The following ANKRD13C variants were observed in gnomAD, a reference collection of about 807,000 sequenced individuals.
The protein encoded by ANKRD13C is ankyrin repeat domain-containing protein 13C.
ANKRD13C carries 16 observed loss-of-function variants against 65.5 expected under a neutral mutation model. The observed-to-expected ratio is 0.24, with a 90% confidence interval of 0.17 to 0.37. The LOEUF is 0.37. Among genes scored for constraint, ANKRD13C ranks in the 10% least tolerant of loss-of-function variants. ANKRD13C has a pLI of 1.00. For missense variants in ANKRD13C, 503 were observed against 655.9 expected, an observed-to-expected ratio of 0.77 and a Z score of 2.55; for synonymous variants, 235 against 238.7, an observed-to-expected ratio of 0.98 and a Z score of 0.14.
At chr1:70,341,310 T>C (rs1197193804) in intron 1 of ANKRD13C, among the ~76,000 whole-genome samples, 1 of 151,926 alleles carries the variant, frequency 6.6e-6, no homozygotes, top group African/African-American at 2.4e-5. Flanking sequence ...TTTAATCCAG[T>C]TTCACATATA....
chr1:70,349,753 T>G (rs2101640746), intron 1 of ANKRD13C, among the ~76,000 whole-genome samples: 1 of 152,182 alleles, frequency 6.6e-6, no homozygotes, highest in South Asian at 2.1e-4. Context: ...TCTAAAGTCC[T>G]GCGTTGAGGT....
At chr1:70,331,846 A>G (rs1331186457) in intron 2 of ANKRD13C, among the ~76,000 whole-genome samples, 1 of 140,448 alleles carries the variant, frequency 7.1e-6, no homozygotes, top group Non-Finnish European at 1.6e-5. Context: ...AAAAAAAAGG[A>G]ACACTAAGTA....
At chr1:70,341,357 T>TTG (rs1019901057) in intron 1 of ANKRD13C, among the ~76,000 whole-genome samples, 26 of 146,680 alleles carry the variant, frequency 1.8e-4, no homozygotes, top group East Asian at 2.1e-4. Flanking sequence ...TACCATCTTT[T>TTG]TGTGTGTTTT....
chr1:70,346,492 T>C (rs1347283371), intron 1 of ANKRD13C, among the ~76,000 whole-genome samples: 1 of 152,112 alleles, frequency 6.6e-6, no homozygotes, highest in Non-Finnish European at 1.5e-5. Flanking sequence ...ATAAAAATAG[T>C]TGCGACTTTG....
Position 70,262,188 on chromosome 1 carries a change from A to T in ANKRD13C, c.*529T>A, listed in dbSNP as rs1678414312. 1 of 152,612 alleles carries T rather than the reference A, an allele frequency of 6.6e-6. No homozygotes were observed. Among genetic ancestry groups the T allele is most frequent in the Non-Finnish European group, 1.5e-5 (1 of 68,010 alleles). The allele number at this position is 152,612 out of a possible 1,614,324, so 9.5% of individuals were successfully genotyped here. ...TTCCTTCTAGTTCATTATATTGAAC[A>T]AACATTCAAATTACTGAACTATACA... On this transcript the variant is annotated 3_prime_UTR_variant, in exon 13 of 13. Transcript: ENST00000370944.
chr1:70,287,455 T>C (rs535695250), intron 9 of ANKRD13C, among the ~76,000 whole-genome samples: 4 of 152,196 alleles, frequency 2.6e-5, no homozygotes, highest in African/African-American at 9.6e-5. Flanking sequence ...AAAATGGTCA[T>C]TTCCTTAAAT....
At chr1:70,284,406 A>G (rs1471071875) in intron 9 of ANKRD13C, among the ~76,000 whole-genome samples, 1 of 152,076 alleles carries the variant, frequency 6.6e-6, no homozygotes, top group Non-Finnish European at 1.5e-5. Context: ...TCAAAAATAT[A>G]TTTTTTACTA....
chr1:70,331,599 T>C (rs902409538), intron 2 of ANKRD13C, among the ~76,000 whole-genome samples: 4 of 151,956 alleles, frequency 2.6e-5, no homozygotes, highest in African/African-American at 9.7e-5. Flanking sequence ...CTCAGCACTT[T>C]GGGAGGCTGA....
At chr1:70,317,378 A>G (rs990762345) in intron 3 of ANKRD13C, among the ~76,000 whole-genome samples, 2 of 152,220 alleles carry the variant, frequency 1.3e-5, no homozygotes, top group African/African-American at 4.8e-5. Context: ...ACAGAAAATG[A>G]GAAAAAATGT....
chr1:70,294,801 T>C (rs1270306826), intron 8 of ANKRD13C, among the ~76,000 whole-genome samples: 1 of 152,098 alleles, frequency 6.6e-6, no homozygotes, highest in Non-Finnish European at 1.5e-5. Flanking sequence ...AATTTTTAAA[T>C]TTTTTGTAGA....
intron 7 of ANKRD13C, among the ~76,000 whole-genome samples, chr1:70,297,286 GATT>G (rs1680125172): frequency 9.6e-5 from 12 of 125,098 alleles, no homozygotes; most frequent in Admixed American, 1.7e-4. Context: ...GTCCCTTTCT[GATT>G]TTTTTTTTTT....
intron 12 of ANKRD13C, 95 bp from the exon 13 acceptor site, chr1:70,262,942 G>GAAAAAAAAAAAA: frequency 1.6e-5 from 5 of 315,448 alleles, no homozygotes; most frequent in Admixed American, 7.4e-5. Flanking sequence ...TCCTTAAAAT[G>GAAAAAAAAAAAA]TAAAAAAAAA....
chr1:70,276,555 T>C (rs1349919835), intron 10 of ANKRD13C, among the ~76,000 whole-genome samples: 1 of 152,190 alleles, frequency 6.6e-6, no homozygotes, highest in East Asian at 1.9e-4. Flanking sequence ...CAGAAAGATC[T>C]ACAACCATTT....
At chr1:70,300,940 CA>C (rs761080203) in intron 6 of ANKRD13C, 32 bp from the exon 7 acceptor site, 1 of 1,583,158 alleles carries the variant, frequency 6.3e-7, no homozygotes, top group South Asian at 1.2e-5. Context: ...TAAACTCTGA[CA>C]AATATAATTT....
chr1:70,286,134 A>G (rs779847523), intron 9 of ANKRD13C, among the ~76,000 whole-genome samples: 4 of 152,140 alleles, frequency 2.6e-5, no homozygotes, highest in African/African-American at 4.8e-5. Context: ...TATCAATTCT[A>G]TTTTGTTGTT....
intron 3 of ANKRD13C, among the ~76,000 whole-genome samples, chr1:70,321,046 T>A: frequency 6.6e-6 from 1 of 152,198 alleles, no homozygotes; most frequent in Non-Finnish European, 1.5e-5. Context: ...CTGGGGTTAC[T>A]GGCATCTAAT....
In ANKRD13C at chr1:70,281,999, C is replaced by CA. The variant is rs201106346; in HGVS notation, c.1216-5156dup. 7.6e-5 allele frequency among the ~76,000 whole-genome samples: 11 copies of CA among 145,470 alleles called. No homozygotes were observed. The East Asian group carries it at 2.3e-3, about 31-fold the overall frequency. On this transcript the variant is annotated intron_variant, in intron 9 of 12. Transcript: ENST00000370944. ...TGGGCAACAGAGGGAGACTCCATCTCAAAAAAAAGAATTACTATTCCTGCT... is the reference window on the plus strand; with the variant it reads ...TGGGCAACAGAGGGAGACTCCATCTCAAAAAAAAAGAATTACTATTCCTGCT...
intron 6 of ANKRD13C, among the ~76,000 whole-genome samples, chr1:70,303,647 C>T (rs901426266): frequency 5.3e-5 from 8 of 152,168 alleles, no homozygotes; most frequent in African/African-American, 1.9e-4. Context: ...CCAGAGAAGA[C>T]ATTTCAAATG....
chr1:70,282,433 T>C (rs556249622), intron 9 of ANKRD13C, among the ~76,000 whole-genome samples: 1 of 152,262 alleles, frequency 6.6e-6, no homozygotes, highest in Non-Finnish European at 1.5e-5. Flanking sequence ...AAAAGTTGTC[T>C]GGGATTAACC....
Sources: allele counts gnomAD v4.1 joint callset (sites outside exome capture counted in the v4.1 genomes callset), GRCh38; gene constraint gnomAD v4.1.1; transcripts MANE v1.5; gene names NCBI Gene and HGNC (gene_info 2026-07-23, HGNC 2026-07-21).